BDKRB2: variants seen among roughly 807,000 people sequenced by gnomAD.
BDKRB2 encodes the protein bradykinin receptor B2.
Under a neutral mutation model 4.0 loss-of-function variants are expected in BDKRB2, and 6 were observed. The ratio of observed to expected loss-of-function variants is 1.49; its 90% confidence interval spans 0.81 to 2.93. The LOEUF (loss-of-function observed/expected upper bound fraction) is 2.93, where lower values mean the gene tolerates loss of function less well. Ranked by LOEUF, BDKRB2 falls within the 30% of genes most tolerant of loss-of-function variation. The pLI is 0.00. For missense variants in BDKRB2, 478 were observed against 520.1 expected, an observed-to-expected ratio of 0.92 and a Z score of 0.79; for synonymous variants, 225 against 215.3, an observed-to-expected ratio of 1.05 and a Z score of -0.40.
intron 2 of BDKRB2, chr14:96,238,242 T>C (rs1240811972): frequency 8.4e-6 from 4 of 477,876 alleles, no homozygotes; most frequent in Non-Finnish European, 1.1e-5. Context: ...GTTCCCCCCA[T>C]GTGGCTGCTT....
intron 1 of BDKRB2, among the ~76,000 whole-genome samples, chr14:96,236,522 G>A (rs184005101): frequency 1.3e-4 from 20 of 152,302 alleles, no homozygotes; most frequent in Admixed American, 1.2e-3. Flanking sequence ...CACTAGGCAT[G>A]TCAGGTTTAC....
At position 96,240,791 on chromosome 14, in the gene BDKRB2, C is replaced by T. The variant is rs1240626421; in HGVS notation, c.463C>T (p.Arg155Cys). 25 of 1,554,722 alleles carry T rather than the reference C, an allele frequency of 1.6e-5. No homozygotes were observed. The highest frequency in any genetic ancestry group is 4.1e-5 in the African/African-American group (3 of 73,158). ...ICFLMLVSIDRYLALVKTMSM... is the reference protein window; with the variant it reads ...ICFLMLVSIDCYLALVKTMSM... ...TTTCCTGATGCTGGTGAGCATCGAC[C>T]GCTACCTGGCCCTGGTGAAAACCAT... Residue 155 changes from arginine (R) to cysteine (C), a missense_variant, in exon 3 of 3, where the codon CGC becomes TGC. Physicochemically the swap from Arg to Cys is radical, Grantham distance 180. Coordinates refer to ENST00000554311, the MANE Select transcript of BDKRB2 (RefSeq NM_001379692.1).
At chr14:96,237,401 G>T (rs1352864263) in intron 2 of BDKRB2, among the ~76,000 whole-genome samples, 3 of 152,230 alleles carry the variant, frequency 2.0e-5, no homozygotes, top group Non-Finnish European at 4.4e-5. Flanking sequence ...TCAGGGAGAA[G>T]AAGGGCACAT....
intron 1 of BDKRB2, among the ~76,000 whole-genome samples, chr14:96,213,492 C>T (rs990699788): frequency 2.8e-4 from 21 of 74,178 alleles, no homozygotes; most frequent in African/African-American, 1.1e-3. Context: ...CTGGACCGAC[C>T]CAAACACACA....
At chr14:96,213,118 A>C (rs888011063) in intron 1 of BDKRB2, among the ~76,000 whole-genome samples, 2 of 151,926 alleles carry the variant, frequency 1.3e-5, no homozygotes, top group African/African-American at 4.8e-5. Context: ...ACCTCTCCGA[A>C]CCTCTCCTTT....
chr14:96,229,881 C>A (rs1221753759), intron 1 of BDKRB2, among the ~76,000 whole-genome samples: 3 of 151,998 alleles, frequency 2.0e-5, no homozygotes, highest in East Asian at 1.9e-4. Flanking sequence ...GTAATCCCAG[C>A]ACTTTGGGAG....
intron 1 of BDKRB2, among the ~76,000 whole-genome samples, chr14:96,213,545 CAA>C (rs1890352331): frequency 6.6e-6 from 1 of 151,692 alleles, no homozygotes; most frequent in African/African-American, 2.4e-5. Flanking sequence ...TGTACACACA[CAA>C]GTTGCTTCTT....
chr14:96,214,380 C>G (rs1350288479), intron 1 of BDKRB2, among the ~76,000 whole-genome samples: 1 of 152,126 alleles, frequency 6.6e-6, no homozygotes, highest in Non-Finnish European at 1.5e-5. Context: ...AGGACGGGAA[C>G]CAACAGGAAG....
chr14:96,239,722 T>A lies in BDKRB2; in HGVS notation c.75-681T>A, dbSNP rs1002707541. On this transcript the variant is annotated intron_variant, in intron 2 of 2. Transcript: ENST00000554311. Reference sequence around the variant, plus strand: ...TGAGGTCATTGTGGTTCAAGGACGTTAAGTAACTTCCCCAGCGTCACACGG... The same window carrying A: ...TGAGGTCATTGTGGTTCAAGGACGTAAAGTAACTTCCCCAGCGTCACACGG... 6.3e-6 allele frequency: 6 copies of A among 955,052 alleles called. No individual in the cohort carries two copies. The African/African-American group carries it at 1.1e-4, about 17-fold the overall frequency. The allele number at this position is 955,052 out of a possible 1,614,324, so 59.2% of individuals were successfully genotyped here.
In BDKRB2 at chr14:96,241,552, A is replaced by G. The variant is rs1885294225; in HGVS notation, c.*48A>G. On this transcript the variant is annotated 3_prime_UTR_variant, in exon 3 of 3. Transcript: ENST00000554311. ...TGAATTTGTGTAAGGATTGAGGGAC[A>G]GTTGCTTTTCAGCATGGGCCCAGGA... 6.7e-7 allele frequency: 1 copy of G among 1,497,528 alleles called. No individual in the cohort carries two copies. Among genetic ancestry groups the G allele is most frequent in the African/African-American group, 1.4e-5 (1 of 71,624 alleles). The allele number at this position is 1,497,528 out of a possible 1,614,324, so 92.8% of individuals were successfully genotyped here.
At chr14:96,206,843 AC>A (rs2139762442) in intron 1 of BDKRB2, among the ~76,000 whole-genome samples, 1 of 152,156 alleles carries the variant, frequency 6.6e-6, no homozygotes, top group South Asian at 2.1e-4. Context: ...TTATCAAAAA[AC>A]AGACATTTAT....
In BDKRB2 at chr14:96,240,994, G is replaced by T. The variant is rs202106127; in HGVS notation, c.666G>T (p.Val222=). ...VISYPSLIWE[V]FTNMLLNVVG... is the part of the protein sequence containing the mutation. Reference sequence around the variant, plus strand: ...GCTACCCATCCCTCATCTGGGAAGTGTTCACCAACATGCTCCTGAATGTCG... The same window carrying T: ...GCTACCCATCCCTCATCTGGGAAGTTTTCACCAACATGCTCCTGAATGTCG... Residue 222 remains valine, a synonymous_variant, in exon 3 of 3, where the codon GTG becomes GTT. Coordinates refer to ENST00000554311, the MANE Select transcript of BDKRB2 (RefSeq NM_001379692.1). 2.5e-6 allele frequency: 4 copies of T among 1,600,484 alleles called. No homozygotes were observed. The African/African-American group carries it at 4.0e-5, about 16-fold the overall frequency.
At chr14:96,210,016 A>AATAATC (rs1491344850) in intron 1 of BDKRB2, among the ~76,000 whole-genome samples, 2,415 of 136,312 alleles carry the variant, frequency 0.018, 34 homozygotes, top group South Asian at 0.029. Flanking sequence ...TAATAATAAT[A>AATAATC]ATCATCATCA....
intron 1 of BDKRB2, among the ~76,000 whole-genome samples, chr14:96,218,905 C>A (rs1482178333): frequency 1.3e-5 from 2 of 151,570 alleles, no homozygotes; most frequent in African/African-American, 4.9e-5. Context: ...GGTGACAGAG[C>A]GAGACCCCAT....
intron 1 of BDKRB2, among the ~76,000 whole-genome samples, chr14:96,205,643 C>T (rs777236184): frequency 3.9e-5 from 6 of 152,132 alleles, no homozygotes; most frequent in South Asian, 4.1e-4. Context: ...GCTTTGCATC[C>T]GGCCCAGGTT....
At chr14:96,231,509 T>G (rs766920052) in intron 1 of BDKRB2, among the ~76,000 whole-genome samples, 10 of 152,164 alleles carry the variant, frequency 6.6e-5, no homozygotes, top group Admixed American at 2.0e-4. Flanking sequence ...CGCCACCCCC[T>G]GCCTGCTGTG....
intron 1 of BDKRB2, among the ~76,000 whole-genome samples, chr14:96,228,352 C>T (rs1158877233): frequency 2.0e-5 from 3 of 152,152 alleles, no homozygotes; most frequent in Non-Finnish European, 4.4e-5. Context: ...TACACCCTGC[C>T]CTCTTGGTAC....
At chr14:96,235,979 G>A (rs1332984108) in intron 1 of BDKRB2, among the ~76,000 whole-genome samples, 1 of 152,108 alleles carries the variant, frequency 6.6e-6, no homozygotes. Context: ...ACTGAGACAA[G>A]TCACCCCCAC....
chr14:96,224,405 A>G (rs868307337), intron 1 of BDKRB2, among the ~76,000 whole-genome samples: 2 of 152,238 alleles, frequency 1.3e-5, no homozygotes, highest in Non-Finnish European at 2.9e-5. Context: ...AATGGGGATG[A>G]TAATATTAGT....
Sources: gnomAD v4.1 joint callset for allele counts (sites outside exome capture counted in the v4.1 genomes callset) on GRCh38, gnomAD v4.1.1 for gene constraint, MANE v1.5 for transcripts, NCBI Gene and HGNC (gene_info 2026-07-23, HGNC 2026-07-21) for gene names.